CCDC106: variants seen among roughly 807,000 people sequenced by gnomAD.
CCDC106 encodes the protein coiled-coil domain containing 106, also known as coiled-coil domain-containing protein 106.
CCDC106 carries 17 observed loss-of-function variants against 24.7 expected under a neutral mutation model. The ratio of observed to expected loss-of-function variants is 0.69; its 90% CI spans 0.47 to 1.03. CCDC106 has a LOEUF of 1.03. Among genes scored for constraint, CCDC106 ranks in the 50% least tolerant of loss-of-function variants. The pLI is 0.00. For synonymous variants in CCDC106, 211 were observed against 161.3 expected (o/e 1.31, Z -2.34); for missense variants, 337 against 388.9 (o/e 0.87, Z 1.12).
At chr19:55,649,123 C>T (rs775377065) in intron 1 of CCDC106, 46 bp downstream of exon 1, 1 of 1,612,084 alleles carries the variant, frequency 6.2e-7, no homozygotes, top group Non-Finnish European at 8.5e-7. Flanking sequence ...CCAGTGCGGT[C>T]GGCTCCAGGC....
rs752759766 is a variant in CCDC106 at position 55,651,394 on chromosome 19, C to T, written c.425C>T (p.Ala142Val). 5.6e-6 allele frequency: 9 copies of T among 1,611,320 alleles called. No homozygotes were observed. The highest frequency in any genetic ancestry group is 6.8e-6 in the Non-Finnish European group (8 of 1,178,930). Residue 142 changes from alanine (A) to valine (V), a missense_variant, in exon 4 of 5, where the codon GCG becomes GTG. Transcript: ENST00000586790. ...PESAASSLSG[A>V]SEEGSASERR... is the part of the protein sequence containing the mutation. ...TCAGCAGCCTCCTCCCTCAGCGGAG[C>T]GTCCGAAGAAGGCAGCGCCAGTGAG...
At chr19:55,651,681 G>A (rs1034028147) in intron 4 of CCDC106, among the ~76,000 whole-genome samples, 186 bp downstream of exon 4, 1 of 151,754 alleles carries the variant, frequency 6.6e-6, no homozygotes, top group South Asian at 2.1e-4. Flanking sequence ...TTGGCGGGGG[G>A]GACGTCTTGC....
chr19:55,649,519 A>G lies in CCDC106; in HGVS notation c.248A>G (p.Glu83Gly). 1 of 1,614,114 alleles carries G rather than the reference A, an allele frequency of 6.2e-7. No individual in the cohort carries two copies. Among genetic ancestry groups the G allele is most frequent in the East Asian group, 2.2e-5 (1 of 44,876 alleles). Reference protein sequence around the residue: ...SWLQKRIEDLEEERDFLRCQL... With the variant: ...SWLQKRIEDLGEERDFLRCQL... ...CTGCAGAAGCGCATCGAGGACCTGGAGGAAGAGAGGGACTTCCTGCGGTGC... is the reference window on the plus strand; with the variant it reads ...CTGCAGAAGCGCATCGAGGACCTGGGGGAAGAGAGGGACTTCCTGCGGTGC... The change falls in exon 3 of 5, where the codon GAG (glutamate) becomes GGG (glycine). Residue 83 changes from glutamate to glycine, a missense_variant. By Grantham distance (98) the Glu-to-Gly change is moderately conservative. Around this residue, in one of 2 missense-constraint regions of CCDC106, gnomAD observed 234 missense variants for 236.5 expected, o/e 0.99. Transcript: ENST00000586790.
At chr19:55,648,028 T>A (rs1174858481), upstream of CCDC106, 5 of 152,328 alleles carry the variant, frequency 3.3e-5, no homozygotes, top group East Asian at 9.7e-4. Context: ...CCTCTGCTTC[T>A]GCCGCAAACG....
At chr19:55,650,299 AG>A (rs952266309) in intron 3 of CCDC106, among the ~76,000 whole-genome samples, 7 of 152,138 alleles carry the variant, frequency 4.6e-5, no homozygotes, top group African/African-American at 1.7e-4. Flanking sequence ...AGCAGCACCC[AG>A]CCCCAGCCAG....
At chr19:55,648,206 CTT>C (rs1422787056), upstream of CCDC106, 1 of 152,134 alleles carries the variant, frequency 6.6e-6, no homozygotes, top group Non-Finnish European at 1.5e-5. Flanking sequence ...CCCCGTGACA[CTT>C]TGCAGACGCT....
intron 3 of CCDC106, among the ~76,000 whole-genome samples, chr19:55,650,900 G>T (rs952332755): frequency 6.6e-6 from 1 of 152,062 alleles, no homozygotes; most frequent in African/African-American, 2.4e-5. Flanking sequence ...CTGACCCCCC[G>T]ACTCCAGCCA....
At position 55,652,557 on chromosome 19, in the gene CCDC106, C is replaced by T. The variant is rs1316526180; in HGVS notation, c.654C>T (p.Pro218=). Residue 218 remains proline, a synonymous_variant, in exon 5 of 5, where the codon CCC becomes CCT. Coordinates refer to ENST00000586790, the MANE Select transcript of CCDC106 (RefSeq NM_001370470.1). This position sits in a 1 kb window ranked among gnomAD's most constrained non-coding sequence, Gnocchi z 5.9. ...GGAACACCGTGGCGCTGACCACGCC[C>T]ATCGCCGAGCTGCTCATTGTGGCCC... ...VDRNTVALTT[P]IAELLIVAPE... is the part of the protein sequence containing the mutation. The T allele has an allele frequency of 6.2e-7, 1 of 1,613,592 alleles. No homozygotes were observed. Among genetic ancestry groups the T allele is most frequent in the South Asian group, 1.1e-5 (1 of 91,066 alleles).
At chr19:55,651,994 C>T (rs929840278) in intron 4 of CCDC106, among the ~76,000 whole-genome samples, 9 of 152,078 alleles carry the variant, frequency 5.9e-5, no homozygotes, top group African/African-American at 9.7e-5. Flanking sequence ...TTTGGTCCAC[C>T]GTCGAGGGCA....
chr19:55,652,449 C>G lies in CCDC106; in HGVS notation c.546C>G (p.Val182=). 1 of 1,604,762 alleles carries G rather than the reference C, an allele frequency of 6.2e-7. No homozygotes were observed. The highest frequency in any genetic ancestry group is 2.2e-5 in the East Asian group (1 of 44,554). The part of the protein sequence containing the change: ...ERQRVKDADG[V]LCRYKKILGT... ...CCTCAGTGAAGGACGCCGACGGGGT[C>G]CTCTGCCGGTACAAGAAGATCCTGG... Residue 182 remains valine (V), a synonymous_variant, in exon 5 of 5, where the codon GTC becomes GTG. Transcript: ENST00000586790. This position sits in a 1 kb window ranked among gnomAD's most constrained non-coding sequence, Gnocchi z 5.9.
intron 3 of CCDC106, among the ~76,000 whole-genome samples, chr19:55,650,228 C>G (rs937018462): frequency 1.3e-5 from 2 of 152,172 alleles, no homozygotes; most frequent in Non-Finnish European, 1.5e-5. Flanking sequence ...CTGGGCAGTC[C>G]CCACCCACAT....
rs1203220302 is a variant in CCDC106 at position 55,648,293 on chromosome 19, G to A, written c.-754G>A. 1 of 152,154 alleles carries A rather than the reference G, an allele frequency of 6.6e-6. No individual in the cohort carries two copies. The highest frequency in any genetic ancestry group is 2.4e-5 in the African/African-American group (1 of 41,452). The allele number at this position is 152,154 out of a possible 1,614,324, so 9.4% of individuals were successfully genotyped here. A position where few individuals can be genotyped will look rare whatever the true frequency, so the allele number is the denominator to read the frequency against. On this transcript the variant is annotated 5_prime_UTR_variant, in exon 1 of 5. Transcript: ENST00000586790. ...CCGCGAGCGGGTGGGTGAGCGCGGG[G>A]GGCCTCGGCCCCTCGGACCCCGGGC...
rs545141837 is a variant in CCDC106 at position 55,650,477 on chromosome 19, C to T, written c.314-806C>T. Among the ~76,000 whole-genome samples the T allele has an allele frequency of 4.6e-5, 7 of 152,344 alleles. No individual in the cohort carries two copies. In the East Asian group the frequency reaches 1.2e-3, roughly 25 times the overall value. On this transcript the variant is annotated intron_variant, in intron 3 of 4. Transcript: ENST00000586790. ...CCTACCCTCATCTCAGCCTTGCTAGCTCCTTGGCTGGGAAGACCCCTCAAA... is the reference window on the plus strand; with the variant it reads ...CCTACCCTCATCTCAGCCTTGCTAGTTCCTTGGCTGGGAAGACCCCTCAAA...
chr19:55,651,373 C>T lies in CCDC106; in HGVS notation c.404C>T (p.Ala135Val). 6.2e-7 allele frequency: 1 copy of T among 1,612,284 alleles called. No individual in the cohort carries two copies. The highest frequency in any genetic ancestry group is 8.5e-7 in the Non-Finnish European group (1 of 1,179,230). ...GGCGAGGCCTCGGACCCTGAGTCAG[C>T]AGCCTCCTCCCTCAGCGGAGCGTCC... The part of the protein sequence containing the change: ...AGGEASDPES[A>V]ASSLSGASEE... The change falls in exon 4 of 5, where the codon GCA becomes GTA. Residue 135 changes from alanine (A) to valine (V), a missense_variant. Ala to Val is a moderately conservative substitution (Grantham distance 64, BLOSUM62 0). Transcript: ENST00000586790.
Position 55,648,879 on chromosome 19 carries a change from C to G in CCDC106, c.-168C>G. Reference sequence around the variant, plus strand: ...TTTTGCCTCAGTCCTGGGGTCCAGGCTCCCTCCTCCCTCAGACCAGGGGTC... The same window carrying G: ...TTTTGCCTCAGTCCTGGGGTCCAGGGTCCCTCCTCCCTCAGACCAGGGGTC... On this transcript the variant is annotated 5_prime_UTR_variant, in exon 1 of 5. Coordinates refer to ENST00000586790, the MANE Select transcript of CCDC106 (RefSeq NM_001370470.1). 1.4e-6 allele frequency: 1 copy of G among 723,520 alleles called. No individual in the cohort carries two copies. The highest frequency in any genetic ancestry group is 2.4e-6 in the Non-Finnish European group (1 of 415,340). 44.8% of individuals were successfully genotyped at this position (723,520 alleles called of 1,614,324 possible).
rs942881722 is a variant in CCDC106, at chr19:55,652,470, C to T, written c.567C>T (p.Ile189=). Reference sequence around the variant, plus strand: ...GGGTCCTCTGCCGGTACAAGAAGATCCTGGGCACCTTCCAGAAGCTCAAGA... The same window carrying T: ...GGGTCCTCTGCCGGTACAAGAAGATTCTGGGCACCTTCCAGAAGCTCAAGA... The part of the protein sequence containing the change: ...ADGVLCRYKK[I]LGTFQKLKSM... Residue 189 remains isoleucine, a synonymous_variant, in exon 5 of 5, where the codon ATC becomes ATT. Transcript: ENST00000586790. This position sits in a 1 kb window ranked among gnomAD's most constrained non-coding sequence, Gnocchi z 5.9. 3 of 1,611,388 alleles carry T rather than the reference C, an allele frequency of 1.9e-6. No individual in the cohort carries two copies. The highest frequency in any genetic ancestry group is 3.3e-5 in the Admixed American group (2 of 59,896).
intron 4 of CCDC106, 76 bp downstream of exon 4, chr19:55,651,571 C>G (rs971541570): frequency 4.8e-6 from 5 of 1,051,556 alleles, no homozygotes; most frequent in Admixed American, 2.8e-5. Context: ...AGAGGTCCCC[C>G]TTTCTCTCCA....
chr19:55,648,805 G>A lies in CCDC106; in HGVS notation c.-242G>A, dbSNP rs993686013. 4 of 581,402 alleles carry A rather than the reference G, an allele frequency of 6.9e-6. No individual in the cohort carries two copies. In the African/African-American group the frequency reaches 7.5e-5, roughly 11 times the overall value. 36.0% of individuals were successfully genotyped at this position (581,402 alleles called of 1,614,324 possible). On this transcript the variant is annotated 5_prime_UTR_variant, in exon 1 of 5. Coordinates refer to ENST00000586790, the MANE Select transcript of CCDC106 (RefSeq NM_001370470.1). Reference sequence around the variant, plus strand: ...TCTCCCCCAGGACCTAGGCGGCTGGGCCCCCTGCCCCTGACTCCAGGAGCC... The same window carrying A: ...TCTCCCCCAGGACCTAGGCGGCTGGACCCCCTGCCCCTGACTCCAGGAGCC...
chr19:55,651,593 C>A lies in CCDC106; in HGVS notation c.526+98C>A, dbSNP rs938154812. On this transcript the variant is annotated intron_variant, in intron 4 of 4. Coordinates refer to ENST00000586790, the MANE Select transcript of CCDC106 (RefSeq NM_001370470.1). ...CCCCTTTCTCTCCAAGCCCCTCCAGCCTTGCTGGAGAAAGACCCACCGGGT... is the reference window on the plus strand; with the variant it reads ...CCCCTTTCTCTCCAAGCCCCTCCAGACTTGCTGGAGAAAGACCCACCGGGT... The A allele has an allele frequency of 1.2e-5, 10 of 852,444 alleles. No homozygotes were observed. In the African/African-American group the frequency reaches 1.7e-4, roughly 15 times the overall value. 52.8% of individuals were successfully genotyped at this position (852,444 alleles called of 1,614,324 possible).
Sources: gnomAD v4.1 joint callset for allele counts (sites outside exome capture counted in the v4.1 genomes callset) on GRCh38, gnomAD v4.1.1 for gene constraint, gnomAD v4.1.1 regional missense constraint, Gnocchi (gnomAD v3.1) non-coding constraint, MANE v1.5 for transcripts, NCBI Gene and HGNC (gene_info 2026-07-23, HGNC 2026-07-21) for gene names.